Variants in ZNF662 observed in about 807,000 individuals in gnomAD.
The protein encoded by ZNF662 is zinc finger protein 662.
A neutral mutation model predicts 12.4 loss-of-function variants in ZNF662; 14 were observed. That is an observed-to-expected ratio of 1.13 (90% CI 0.75 to 1.77). The LOEUF (loss-of-function observed/expected upper bound fraction) is 1.77, where lower values mean the gene tolerates loss of function less well. ZNF662 is among the 40% of genes most tolerant of loss of function. ZNF662 has a pLI of 0.00. For missense variants in ZNF662, 550 were observed against 515.6 expected (o/e 1.07, Z -0.65); for synonymous variants, 184 against 176.4 (o/e 1.04, Z -0.34).
rs1037648947 is a variant in ZNF662 at position 42,914,777 on chromosome 3, G to C, written c.704G>C (p.Cys235Ser). Residue 235 changes from cysteine (C) to serine (S), a missense_variant, in exon 5 of 5, where the codon TGC (cysteine) becomes TCC (serine). Transcript: ENST00000440367. ...AAGGCTTTCAGTTTTCGATCACATT[G>C]CATTGCACATCAGAGAATTCACAGT... Reference protein sequence around the residue: ...CGKAFSFRSHCIAHQRIHSGV... With the variant: ...CGKAFSFRSHSIAHQRIHSGV... 7.4e-6 allele frequency: 12 copies of C among 1,613,198 alleles called. No homozygotes were observed. The highest frequency in any genetic ancestry group is 1.3e-5 in the African/African-American group (1 of 74,652).
In ZNF662 at chr3:42,912,172, T is replaced by A. The variant is rs376307422; in HGVS notation, c.152-1029T>A. On this transcript the variant is annotated intron_variant, in intron 3 of 4. Transcript: ENST00000440367. The stretch of plus-strand genomic sequence containing the variant: ...AAATATATAAAAATATAAAAATATA[T>A]AAATATATAAATTAAAAATATATGT... 1.2e-3 allele frequency: 162 copies of A among 139,090 alleles called. 2 individuals carry two copies. In the East Asian group the frequency reaches 0.028, roughly 24 times the overall value. 8.6% of individuals were successfully genotyped at this position (139,090 alleles called of 1,614,324 possible). A position where few individuals can be genotyped will look rare whatever the true frequency, so the allele number is the denominator to read the frequency against.
rs1467865018 is a variant in ZNF662, at chr3:42,916,154, T to C, written c.*800T>C. On this transcript the variant is annotated 3_prime_UTR_variant, in exon 5 of 5. Transcript: ENST00000440367. ...TTGAGTTCTCCCCAGAGGCAATCACTGCTACTGGTTGTGTATCTCTGTAGA... is the reference window on the plus strand; with the variant it reads ...TTGAGTTCTCCCCAGAGGCAATCACCGCTACTGGTTGTGTATCTCTGTAGA... The C allele has an allele frequency of 6.6e-6, 1 of 152,164 alleles. No homozygotes were observed. The highest frequency in any genetic ancestry group is 2.4e-5 in the African/African-American group (1 of 41,448). 9.4% of individuals were successfully genotyped at this position (152,164 alleles called of 1,614,324 possible).
At chr3:42,910,080 C>T (rs893433524) in intron 3 of ZNF662, among the ~76,000 whole-genome samples, 7 of 152,182 alleles carry the variant, frequency 4.6e-5, no homozygotes, top group Admixed American at 6.5e-5. Flanking sequence ...ACTGAGTGAT[C>T]GAGACTCTGT....
Position 42,915,647 on chromosome 3 carries a change from A to G in ZNF662, c.*293A>G, listed in dbSNP as rs1575416270. ...AGGTGCTCTTCTCCCCATTTTACAA[A>G]TGAGAAATCTGAGTTGAAAGAGGTT... On this transcript the variant is annotated 3_prime_UTR_variant, in exon 5 of 5. Coordinates refer to ENST00000440367, the MANE Select transcript of ZNF662 (RefSeq NM_207404.4). 1.1e-5 allele frequency: 3 copies of G among 281,726 alleles called. No homozygotes were observed. Among genetic ancestry groups the G allele is most frequent in the Non-Finnish European group, 2.0e-5 (3 of 150,536 alleles). The allele number at this position is 281,726 out of a possible 1,614,324, so 17.5% of individuals were successfully genotyped here.
intron 3 of ZNF662, among the ~76,000 whole-genome samples, chr3:42,909,554 G>A (rs2088742930): frequency 6.6e-6 from 1 of 152,148 alleles, no homozygotes; most frequent in African/African-American, 2.4e-5. Context: ...TCGTCATCAT[G>A]GCCCGTTCTC....
At chr3:42,911,912 G>C (rs1559381050) in intron 3 of ZNF662, 1 of 151,988 alleles carries the variant, frequency 6.6e-6, no homozygotes, top group South Asian at 2.1e-4. Flanking sequence ...AGGAGATTAC[G>C]GTTTCCCAGA....
chr3:42,912,667 T>TATATATATAAATATATATATA (rs1491154427), intron 3 of ZNF662, among the ~76,000 whole-genome samples: 19 of 28,602 alleles, frequency 6.6e-4, no homozygotes, highest in Admixed American at 5.5e-3. Context: ...TATATATATA[T>TATATATATAAATATATATATA]TTTTTATATA....
At position 42,915,348 on chromosome 3, in the gene ZNF662, A is replaced by T; in HGVS notation, c.1275A>T (p.Glu425Asp). The T allele has an allele frequency of 6.4e-7, 1 of 1,563,158 alleles. No individual in the cohort carries two copies. The highest frequency in any genetic ancestry group is 8.6e-7 in the Non-Finnish European group (1 of 1,158,800). Residue 425 changes from glutamate to aspartate, a missense_variant, in exon 5 of 5, where the codon GAA becomes GAT. Coordinates refer to ENST00000440367, the MANE Select transcript of ZNF662 (RefSeq NM_207404.4). The stretch of plus-strand genomic sequence containing the variant: ...ACTGTCAGATCTCTCACCTTCTTGA[A>T]CATTAGAGAGTGCATAATGGTGATA... ...PYNCQISHLL[E>D]H
rs146177424 is a variant in ZNF662, at chr3:42,910,273, G to A, written c.151+1364G>A. Among the ~76,000 whole-genome samples the A allele has an allele frequency of 2.0e-3, 304 of 152,306 alleles. 8 individuals are homozygous for A. In the East Asian group the frequency reaches 0.045, roughly 23 times the overall value. On this transcript the variant is annotated intron_variant, in intron 3 of 4. Transcript: ENST00000440367. ...AGGCTGAGGCAGGAAAATCAGGCAG[G>A]GAGGTTGCAGTGAGTCAAGATGGCG... is the stretch of plus-strand genomic sequence containing the variant.
Position 42,908,032 on chromosome 3 carries a change from C to A in ZNF662, c.-83C>A, listed in dbSNP as rs1366599217. The A allele has an allele frequency of 5.6e-6, 9 of 1,614,022 alleles. No individual in the cohort carries two copies. In the African/African-American group the frequency reaches 1.1e-4, roughly 19 times the overall value. ...CACATGTTGTTTCAGGAGTCAGTGA[C>A]CTTCGAGGATGTGGCCGTCTACTTC... On this transcript the variant is annotated 5_prime_UTR_variant, in exon 2 of 5. Transcript: ENST00000440367.
chr3:42,913,007 T>C (rs867769109), intron 3 of ZNF662, among the ~76,000 whole-genome samples, 194 bp from the exon 4 acceptor site: 3 of 151,842 alleles, frequency 2.0e-5, no homozygotes, highest in South Asian at 4.2e-4. Context: ...CCTCCCAAAG[T>C]GCTGGGAATA....
chr3:42,907,134 C>T (rs2088693977), intron 1 of ZNF662, among the ~76,000 whole-genome samples: 3 of 152,242 alleles, frequency 2.0e-5, no homozygotes, highest in South Asian at 4.1e-4. Flanking sequence ...CTGAGAATTA[C>T]GGGAAGTCCC....
At chr3:42,908,198 G>C (rs369786371) in intron 2 of ZNF662, 50 bp downstream of exon 2, 62 of 1,567,498 alleles carry the variant, frequency 4.0e-5, no homozygotes, top group Non-Finnish European at 4.1e-5. Flanking sequence ...GAGTTTGCTG[G>C]CTCCTTTTTT....
chr3:42,917,385 T>A lies in ZNF662; in HGVS notation c.*2031T>A. ...CTACCAGAGGAGATATTATCTGTCC[T>A]CTGTGTGGCACATAGGAAAATGTGA... On this transcript the variant is annotated 3_prime_UTR_variant, in exon 5 of 5. Transcript: ENST00000440367. 1 of 634,320 alleles carries A rather than the reference T, an allele frequency of 1.6e-6. No homozygotes were observed. Among genetic ancestry groups the A allele is most frequent in the Non-Finnish European group, 2.8e-6 (1 of 359,430 alleles). The allele number at this position is 634,320 out of a possible 1,614,324, so 39.3% of individuals were successfully genotyped here.
Position 42,915,317 on chromosome 3 carries a change from C to T in ZNF662, c.1244C>T (p.Pro415Leu). The T allele has an allele frequency of 6.3e-7, 1 of 1,594,458 alleles. No individual in the cohort carries two copies. The highest frequency in any genetic ancestry group is 8.5e-7 in the Non-Finnish European group (1 of 1,171,854). ...KHQRRHARDK[P>L]YNCQISHLLE... ...CAGAGGCGCCATGCTAGAGACAAAC[C>T]CTATAACTGTCAGATCTCTCACCTT... The change falls in exon 5 of 5, where the codon CCC becomes CTC. Residue 415 changes from proline (P) to leucine (L), a missense_variant. By Grantham distance (98) the Pro-to-Leu change is moderately conservative. Coordinates refer to ENST00000440367, the MANE Select transcript of ZNF662 (RefSeq NM_207404.4).
rs2088715524 is a variant in ZNF662, at chr3:42,908,444, C to G, written c.34+296C>G. Reference sequence around the variant, plus strand: ...GCTCCACTGAGCCTTCAGTTCCCTCCCCTCTCGGTTTGCAAGATCCAGCCT... The same window carrying G: ...GCTCCACTGAGCCTTCAGTTCCCTCGCCTCTCGGTTTGCAAGATCCAGCCT... On this transcript the variant is annotated intron_variant, in intron 2 of 4. Transcript: ENST00000440367. 3 of 1,246,334 alleles carry G rather than the reference C, an allele frequency of 2.4e-6. No homozygotes were observed. The African/African-American group carries it at 4.5e-5, about 19-fold the overall frequency. The allele number at this position is 1,246,334 out of a possible 1,614,324, so 77.2% of individuals were successfully genotyped here.
Position 42,916,533 on chromosome 3 carries a change from A to G in ZNF662, c.*1179A>G, listed in dbSNP as rs1342499795. The G allele has an allele frequency of 6.6e-6, 1 of 151,382 alleles. No individual in the cohort carries two copies. The highest frequency in any genetic ancestry group is 1.5e-5 in the Non-Finnish European group (1 of 67,922). 9.4% of individuals were successfully genotyped at this position (151,382 alleles called of 1,614,324 possible). Reference sequence around the variant, plus strand: ...GTGCCCGCCACCATGCCTGGCTAATATTTTTTATTTTTAGTAGAGACGGGG... The same window carrying G: ...GTGCCCGCCACCATGCCTGGCTAATGTTTTTTATTTTTAGTAGAGACGGGG... On this transcript the variant is annotated 3_prime_UTR_variant, in exon 5 of 5. Coordinates refer to ENST00000440367, the MANE Select transcript of ZNF662 (RefSeq NM_207404.4).
Position 42,906,178 on chromosome 3 carries a change from A to G in ZNF662, c.-94+10A>G. The G allele has an allele frequency of 1.8e-6, 1 of 568,334 alleles. No homozygotes were observed. Among genetic ancestry groups the G allele is most frequent in the Non-Finnish European group, 2.9e-6 (1 of 340,644 alleles). 35.2% of individuals were successfully genotyped at this position (568,334 alleles called of 1,614,324 possible). A position where few individuals can be genotyped will look rare whatever the true frequency, so the allele number is the denominator to read the frequency against. On this transcript the variant is annotated intron_variant, in intron 1 of 4. Coordinates refer to ENST00000440367, the MANE Select transcript of ZNF662 (RefSeq NM_207404.4). The surrounding 1 kb of genome is among the most constrained non-coding windows in gnomAD (Gnocchi z 4.4). ...TGCTGGGGCCTGGCGGGTGTGGAGC[A>G]CGGGGAGTCGGGCGTGGGGCGGGCA... is the stretch of plus-strand genomic sequence containing the variant.
chr3:42,910,768 C>T (rs561796688), intron 3 of ZNF662, among the ~76,000 whole-genome samples: 4 of 152,304 alleles, frequency 2.6e-5, no homozygotes, highest in East Asian at 3.9e-4. Flanking sequence ...CTTATGTGGG[C>T]GCAGTGTGAC....
Sources: gnomAD v4.1 joint callset for allele counts (sites outside exome capture counted in the v4.1 genomes callset) on GRCh38, gnomAD v4.1.1 for gene constraint, Gnocchi (gnomAD v3.1) non-coding constraint, MANE v1.5 for transcripts, NCBI Gene and HGNC (gene_info 2026-07-23, HGNC 2026-07-21) for gene names.